Variants in CA8 observed in about 807,000 individuals in gnomAD.
CA8 encodes carbonic anhydrase 8 (inactive), also known as carbonic anhydrase-related protein.
In CA8, 22 loss-of-function variants were observed where a neutral mutation model predicts 41.4. The ratio of observed to expected loss-of-function variants is 0.53; its 90% CI spans 0.38 to 0.76. The LOEUF is 0.76. CA8 is among the 30% of genes least tolerant of loss of function. The pLI, the probability that CA8 is intolerant of heterozygous loss-of-function variation, is 0.00. For synonymous variants in CA8, 121 were observed against 130.6 expected, an observed-to-expected ratio of 0.93 and a Z score of 0.50; for missense variants, 270 against 352.8, an observed-to-expected ratio of 0.77 and a Z score of 1.88.
intron 4 of CA8, among the ~76,000 whole-genome samples, chr8:60,229,284 G>C (rs925614857): frequency 2.6e-5 from 4 of 151,850 alleles, no homozygotes; most frequent in Admixed American, 2.6e-4. Flanking sequence ...TGAACCCTTC[G>C]AGTCTGCCCA....
At chr8:60,271,334 A>T (rs28371059) in intron 2 of CA8, among the ~76,000 whole-genome samples, 63,178 of 151,800 alleles carry the variant, frequency 0.42, 13,340 homozygotes, top group African/African-American at 0.48. Context: ...AGCCTGAAAA[A>T]AAAAAGAAAG....
intron 2 of CA8, among the ~76,000 whole-genome samples, chr8:60,273,874 T>C (rs546617839): frequency 2.6e-5 from 4 of 152,348 alleles, no homozygotes; most frequent in Non-Finnish European, 5.9e-5. Context: ...CTCAAATTTA[T>C]ATTAAGGCAG....
At chr8:60,232,718 T>A (rs569204631) in intron 3 of CA8, 101 of 364,046 alleles carry the variant, frequency 2.8e-4, no homozygotes, top group Non-Finnish European at 4.3e-4. Context: ...AAACTCCAGG[T>A]CTGGGCACAA....
At chr8:60,190,554 A>C (rs563958379) in intron 8 of CA8, among the ~76,000 whole-genome samples, 39 of 148,904 alleles carry the variant, frequency 2.6e-4, no homozygotes, top group Non-Finnish European at 5.2e-4. Flanking sequence ...TTTTAGTTCA[A>C]TGATACTGAA....
chr8:60,243,626 C>T lies in CA8; in HGVS notation c.418-11247G>A, dbSNP rs562495214. Among the ~76,000 whole-genome samples, 26 of 152,190 alleles carry T rather than the reference C, an allele frequency of 1.7e-4. 1 individual carries two copies. The South Asian group carries it at 3.7e-3, about 22-fold the overall frequency. ...CCGTCTACGGCCATACCACCCTGAA[C>T]GCGCCCGATCTCGTCTGAAACTTCT... On this transcript the variant is annotated intron_variant, in intron 3 of 8. Transcript: ENST00000317995.
At chr8:60,228,758 T>C (rs775195769) in intron 4 of CA8, among the ~76,000 whole-genome samples, 1 of 152,246 alleles carries the variant, frequency 6.6e-6, no homozygotes, top group African/African-American at 2.4e-5. Flanking sequence ...TTAATCTGGA[T>C]GCCCTACAGC....
rs1239337352 is a variant in CA8, at chr8:60,186,214, G to A, written c.*3807C>T. Reference sequence around the variant, plus strand: ...GGAAAAATATAACAATGTATTGTTGGGCTTACAGCATGTATAGATGTAATA... The same window carrying A: ...GGAAAAATATAACAATGTATTGTTGAGCTTACAGCATGTATAGATGTAATA... On this transcript the variant is annotated 3_prime_UTR_variant, in exon 9 of 9. Coordinates refer to ENST00000317995, the MANE Select transcript of CA8 (RefSeq NM_004056.6). Among the ~76,000 whole-genome samples the A allele has an allele frequency of 1.3e-5, 2 of 151,766 alleles. No individual in the cohort carries two copies. Among genetic ancestry groups the A allele is most frequent in the African/African-American group, 2.4e-5 (1 of 41,342 alleles).
intron 3 of CA8, among the ~76,000 whole-genome samples, chr8:60,236,630 AG>A (rs1563361619): frequency 6.6e-6 from 1 of 152,172 alleles, no homozygotes; most frequent in African/African-American, 2.4e-5. Flanking sequence ...CCCTTTGGGG[AG>A]GGGGGATGAA....
intron 8 of CA8, among the ~76,000 whole-genome samples, chr8:60,193,582 G>A (rs2130378767): frequency 6.6e-6 from 1 of 152,284 alleles, no homozygotes; most frequent in East Asian, 1.9e-4. Context: ...GGAATTTGGT[G>A]GGTTGTAATT....
chr8:60,233,917 G>A (rs1807743738), intron 3 of CA8, among the ~76,000 whole-genome samples: 1 of 152,132 alleles, frequency 6.6e-6, no homozygotes, highest in Admixed American at 6.5e-5. Context: ...CATTTTTTGT[G>A]TGTTTAAAAA....
chr8:60,222,589 T>G (rs1451506312), intron 7 of CA8, 60 bp downstream of exon 7: 1 of 1,067,858 alleles, frequency 9.4e-7, no homozygotes, highest in Admixed American at 1.7e-5. Context: ...CATTTTCCTT[T>G]CTCAGAAACA....
chr8:60,231,316 T>C (rs1807639236), intron 4 of CA8, among the ~76,000 whole-genome samples: 1 of 152,188 alleles, frequency 6.6e-6, no homozygotes, highest in South Asian at 2.1e-4. Context: ...ACGTGTCATA[T>C]TTGCAAGATG....
At chr8:60,277,473 C>A (rs1168449252) in intron 2 of CA8, among the ~76,000 whole-genome samples, 3 of 152,036 alleles carry the variant, frequency 2.0e-5, no homozygotes, top group Non-Finnish European at 4.4e-5. Context: ...CCTGCCTCAA[C>A]GCCCCAAGTA....
chr8:60,228,231 C>A (rs779243094), intron 4 of CA8, among the ~76,000 whole-genome samples: 1 of 152,114 alleles, frequency 6.6e-6, no homozygotes, highest in Non-Finnish European at 1.5e-5. Flanking sequence ...CAATTATTCC[C>A]GAGATAGGCT....
At chr8:60,215,555 C>T (rs1176829449) in intron 7 of CA8, among the ~76,000 whole-genome samples, 1 of 151,910 alleles carries the variant, frequency 6.6e-6, no homozygotes, top group Non-Finnish European at 1.5e-5. Flanking sequence ...CCCTAAACAC[C>T]TATGGAAATA....
At chr8:60,243,142 C>T (rs567015062) in intron 3 of CA8, among the ~76,000 whole-genome samples, 17 of 152,262 alleles carry the variant, frequency 1.1e-4, no homozygotes, top group Middle Eastern at 3.4e-3. Context: ...AAATCCAGCC[C>T]AAAGGCCCAC....
chr8:60,271,932 C>G (rs964833351), intron 2 of CA8, among the ~76,000 whole-genome samples: 1 of 152,152 alleles, frequency 6.6e-6, no homozygotes, highest in African/African-American at 2.4e-5. Context: ...ACTTGTCCTG[C>G]TGAGAAGCTA....
intron 2 of CA8, among the ~76,000 whole-genome samples, chr8:60,272,616 T>C (rs754276101): frequency 6.6e-6 from 1 of 152,166 alleles, no homozygotes; most frequent in Non-Finnish European, 1.5e-5. Flanking sequence ...AGGCTCCCCA[T>C]ATCCAAATGC....
intron 3 of CA8, among the ~76,000 whole-genome samples, chr8:60,258,180 C>T (rs1250795814): frequency 8.5e-5 from 13 of 152,272 alleles, no homozygotes; most frequent in East Asian, 5.8e-4. Flanking sequence ...CATGGTACCA[C>T]GGCAGTGCTC....
Sources: allele counts gnomAD v4.1 joint callset (sites outside exome capture counted in the v4.1 genomes callset), GRCh38; gene constraint gnomAD v4.1.1; transcripts MANE v1.5; gene names NCBI Gene and HGNC (gene_info 2026-07-23, HGNC 2026-07-21).